Variants in NLRP14 observed in about 807,000 individuals in gnomAD.
NLRP14 encodes the protein NLR family pyrin domain containing 14.
A neutral mutation model predicts 94.7 loss-of-function variants in NLRP14; 105 were observed. The ratio of observed to expected loss-of-function variants is 1.11; its 90% CI spans 0.95 to 1.30. NLRP14 has a LOEUF of 1.30. Ranked by LOEUF, NLRP14 falls within the 50% of genes most tolerant of loss-of-function variation. NLRP14 has a pLI of 0.00. For missense variants in NLRP14, 1,362 were observed against 1,254.1 expected, an observed-to-expected ratio of 1.09 and a Z score of -1.30; for synonymous variants, 508 against 459.9, an observed-to-expected ratio of 1.10 and a Z score of -1.34.
chr11:7,060,488 C>G (rs1852600170), intron 9 of NLRP14, among the ~76,000 whole-genome samples: 1 of 151,378 alleles, frequency 6.6e-6, no homozygotes, highest in South Asian at 2.1e-4. Flanking sequence ...ATCCTACAAT[C>G]TATTGCTGAA....
chr11:7,060,354 GTCC>G (rs1852598041), intron 9 of NLRP14, among the ~76,000 whole-genome samples: 1 of 152,086 alleles, frequency 6.6e-6, no homozygotes, highest in African/African-American at 2.4e-5. Flanking sequence ...TCTACTGTGT[GTCC>G]TCTACTTTTA....
rs1320340591 is a variant in NLRP14 at position 7,062,525 on chromosome 11, A to G, written c.2975+22A>G. On this transcript the variant is annotated intron_variant, in intron 10 of 11. Coordinates refer to ENST00000299481, the MANE Select transcript of NLRP14 (RefSeq NM_176822.4). ...TCGGGTGAGTTCATAGTTTTCCATT[A>G]GGAAAATGATGCCTATTTGGTAGCT... is the stretch of plus-strand genomic sequence containing the variant. 3.1e-6 allele frequency: 5 copies of G among 1,603,354 alleles called. No individual in the cohort carries two copies. In the Admixed American group the frequency reaches 6.7e-5, roughly 21 times the overall value.
At chr11:7,079,713 T>C in the NLRP14 span, among the ~76,000 whole-genome samples, 2 of 152,336 alleles carry the variant, frequency 1.3e-5, no homozygotes, top group South Asian at 4.1e-4. Flanking sequence ...CAAATTTACT[T>C]CTGCAGAAGG....
the NLRP14 span, among the ~76,000 whole-genome samples, chr11:7,080,480 G>T: frequency 6.6e-6 from 1 of 152,036 alleles, no homozygotes; most frequent in African/African-American, 2.4e-5. Flanking sequence ...AAATAACCAG[G>T]TCCATGCATG....
At chr11:7,040,759 C>T (rs1852235446) in intron 3 of NLRP14, among the ~76,000 whole-genome samples, 1 of 152,132 alleles carries the variant, frequency 6.6e-6, no homozygotes, top group Non-Finnish European at 1.5e-5. Context: ...ATCCCAAGCA[C>T]TAAAATAGAA....
intron 1 of NLRP14, among the ~76,000 whole-genome samples, chr11:7,021,523 C>G (rs1324168046): frequency 6.6e-6 from 1 of 152,092 alleles, no homozygotes; most frequent in Non-Finnish European, 1.5e-5. Flanking sequence ...TGTTGTCTGA[C>G]GGAACTGACA....
chr11:7,089,720 C>T, the NLRP14 span: 2 of 1,529,706 alleles, frequency 1.3e-6, no homozygotes, highest in South Asian at 1.2e-5. Flanking sequence ...AGCCGCTGCC[C>T]CCGCGCCGCG....
chr11:7,062,715 T>G (rs1046240548), intron 10 of NLRP14, among the ~76,000 whole-genome samples: 2 of 152,114 alleles, frequency 1.3e-5, no homozygotes, highest in African/African-American at 4.8e-5. Context: ...TGTGTCCCCT[T>G]TAGTACCTTG....
chr11:7,065,552 C>G (rs1398088691), intron 10 of NLRP14, among the ~76,000 whole-genome samples: 1 of 151,540 alleles, frequency 6.6e-6, no homozygotes, highest in East Asian at 1.9e-4. Context: ...TTTTATATGC[C>G]TTAGTAACTG....
Position 7,043,842 on chromosome 11 carries a change from G to C in NLRP14, c.1816G>C (p.Ala606Pro). ...GGCAATGAGATGTTTCCCAAAGGTT[G>C]CCATTAATATTTGTGAGAAAATACA... ...SQAMRCFPKV[A>P]INICEKIHLL... The change falls in exon 4 of 12, where the codon GCC becomes CCC. Residue 606 changes from alanine (A) to proline (P), a missense_variant. Transcript: ENST00000299481. 1.2e-6 allele frequency: 2 copies of C among 1,614,178 alleles called. No homozygotes were observed. Among genetic ancestry groups the C allele is most frequent in the Non-Finnish European group, 1.7e-6 (2 of 1,180,020 alleles).
rs145177797 is a variant in NLRP14 at position 7,024,745 on chromosome 11, GA to G, written c.-22+3981del. The stretch of plus-strand genomic sequence containing the variant: ...CTTAGAACATTTGTACATTTTAATG[GA>G]AAAAATATGTGAGTAAAATGTGAAA... On this transcript the variant is annotated intron_variant, in intron 1 of 11. Coordinates refer to ENST00000299481, the MANE Select transcript of NLRP14 (RefSeq NM_176822.4). Among the ~76,000 whole-genome samples the G allele has an allele frequency of 1.7e-4, 25 of 149,954 alleles. No individual in the cohort carries two copies. In the South Asian group the frequency reaches 3.2e-3, roughly 19 times the overall value.
rs200607162 is a variant in NLRP14, at chr11:7,038,696, C to G, written c.110C>G (p.Thr37Ser). The change falls in exon 2 of 12, where the codon ACC becomes AGC. Residue 37 changes from threonine (T) to serine (S), a missense_variant. By Grantham distance (58) the Thr-to-Ser change is moderately conservative. Coordinates refer to ENST00000299481, the MANE Select transcript of NLRP14 (RefSeq NM_176822.4). ...LNTFKLFLKE[T>S]MEPEHGLTPW... ...ACATTCAAGTTATTCCTAAAGGAGACCATGGAACCTGAGCATGGCCTGACA... is the reference window on the plus strand; with the variant it reads ...ACATTCAAGTTATTCCTAAAGGAGAGCATGGAACCTGAGCATGGCCTGACA... The G allele has an allele frequency of 8.1e-6, 13 of 1,613,994 alleles. No homozygotes were observed. Among genetic ancestry groups the G allele is most frequent in the Non-Finnish European group, 1.0e-5 (12 of 1,179,896 alleles).
At chr11:7,090,090 G>A in the NLRP14 span, 1 of 1,611,728 alleles carries the variant, frequency 6.2e-7, no homozygotes, top group Non-Finnish European at 8.5e-7. Context: ...CGGCGGCCGC[G>A]ACAGTTACAG....
chr11:7,035,070 T>A (rs183877565), intron 1 of NLRP14, among the ~76,000 whole-genome samples: 1 of 152,020 alleles, frequency 6.6e-6, no homozygotes, highest in Non-Finnish European at 1.5e-5. Context: ...GGTGGGCAGA[T>A]CACTTGAGGT....
At chr11:7,090,026 C>T in the NLRP14 span, 2 of 1,613,086 alleles carry the variant, frequency 1.2e-6, no homozygotes, top group South Asian at 2.2e-5. Context: ...CGCCATCTTA[C>T]GGAGGAGGAG....
chr11:7,044,648 G>A (rs577040211), intron 4 of NLRP14, among the ~76,000 whole-genome samples: 57 of 152,250 alleles, frequency 3.7e-4, no homozygotes, highest in African/African-American at 1.3e-3. Context: ...CCTTTCTCAA[G>A]TTGCCTTTTC....
chr11:7,075,676 C>A (rs1276608503), downstream of NLRP14, among the ~76,000 whole-genome samples: 4 of 152,182 alleles, frequency 2.6e-5, no homozygotes, highest in Non-Finnish European at 2.9e-5. Context: ...ATGGAGTATA[C>A]AGTCATTTTG....
chr11:7,090,556 T>TGGAAA, the NLRP14 span: 18 of 526,164 alleles, frequency 3.4e-5, no homozygotes, highest in Non-Finnish European at 5.2e-5. Flanking sequence ...CTAGTCTTCT[T>TGGAAA]ACATTTACAA....
At chr11:7,090,506 C>G in the NLRP14 span, 1 of 662,722 alleles carries the variant, frequency 1.5e-6, no homozygotes, top group Non-Finnish European at 2.6e-6. Context: ...GTTAACGTTT[C>G]TTTCAACAAG....
Sources: allele counts gnomAD v4.1 joint callset (sites outside exome capture counted in the v4.1 genomes callset), GRCh38; gene constraint gnomAD v4.1.1; transcripts MANE v1.5; gene names NCBI Gene and HGNC (gene_info 2026-07-23, HGNC 2026-07-21).